The following TTN variants were observed in gnomAD, a reference collection of about 807,000 sequenced individuals.
TTN encodes titin.
A neutral mutation model predicts 3,223.0 loss-of-function variants in TTN; 1,525 were observed. The observed-to-expected ratio is 0.47, with a 90% CI of 0.45 to 0.49. The LOEUF is 0.49. TTN is among the 20% of genes least tolerant of loss of function. TTN has a pLI of 0.00. For synonymous variants in TTN, 14,094 were observed against 15,161.0 expected (o/e 0.93, Z 5.17); for missense variants, 40,786 against 43,424.0 (o/e 0.94, Z 5.40).
Position 178,785,929 on chromosome 2 carries a change from T to A in TTN, c.2289A>T (p.Ala763=). The part of the protein sequence containing the change: ...PASEPHVVPK[A]VKPRVIQAPS... ...GAGCCTGGATTACTCTAGGCTTGAC[T>A]GCTTTAGGGACAACGTGGGGTTCTG... The change falls in exon 14 of 363, where the codon GCA becomes GCT. Residue 763 remains alanine, a synonymous_variant. Transcript: ENST00000589042. 1 of 1,614,120 alleles carries A rather than the reference T, an allele frequency of 6.2e-7. No homozygotes were observed. Among genetic ancestry groups the A allele is most frequent in the Non-Finnish European group, 8.5e-7 (1 of 1,179,994 alleles).
intron 7 of TTN, 43 bp from the exon 8 acceptor site, chr2:178,794,594 TG>T (rs2093673505): frequency 6.8e-6 from 11 of 1,612,858 alleles, no homozygotes; most frequent in African/African-American, 1.3e-5. Flanking sequence ...TTAAATGACA[TG>T]CCCAGTAGAA....
Position 178,527,470 on chromosome 2 carries a change from T to C in TTN, c.107656A>G (p.Lys35886Glu). The C allele has an allele frequency of 6.2e-7, 1 of 1,613,870 alleles. No homozygotes were observed. Among genetic ancestry groups the C allele is most frequent in the Non-Finnish European group, 8.5e-7 (1 of 1,179,738 alleles). The change falls in exon 362 of 363, where the codon AAA becomes GAA. Residue 35886 changes from lysine (K) to glutamate (E), a missense_variant. Physicochemically the swap from Lys to Glu is moderately conservative, Grantham distance 56. Transcript: ENST00000589042. ...CCTCTTATGCCTGCTTTAAGCATTT[T>C]ACTAGTTGAGCTTTCCAGTTGTGTC... ...NMTQLESSTS[K>E]MLKAGIRGIP...
chr2:178,599,087 T>C (rs1314263182), intron 290 of TTN, 25 bp from the exon 291 acceptor site: 10 of 1,512,900 alleles, frequency 6.6e-6, no homozygotes, highest in Non-Finnish European at 7.0e-6. Flanking sequence ...ATATTGATTA[T>C]AAGAAATTTA....
In TTN at chr2:178,574,332, G is replaced by C. The variant is rs1465413205; in HGVS notation, c.71800C>G (p.Leu23934Val). 2 of 1,613,568 alleles carry C rather than the reference G, an allele frequency of 1.2e-6. No individual in the cohort carries two copies. Among genetic ancestry groups the C allele is most frequent in the South Asian group, 1.1e-5 (1 of 91,066 alleles). ...PIDPPGKPVPLNITRHTVTLK... is the reference protein window; with the variant it reads ...PIDPPGKPVPVNITRHTVTLK... ...GTTACTGTGTGTCTTGTAATATTTA[G>C]AGGTACTGGTTTTCCAGGTGGGTCA... The change falls in exon 326 of 363, where the codon CTA becomes GTA. Residue 23934 changes from leucine to valine, a missense_variant. Leu to Val is a conservative substitution (Grantham distance 32). Coordinates refer to ENST00000589042, the MANE Select transcript of TTN (RefSeq NM_001267550.2).
intron 152 of TTN, among the ~76,000 whole-genome samples, chr2:178,673,226 C>A (rs1250165607): frequency 6.6e-6 from 1 of 151,658 alleles, no homozygotes; most frequent in Non-Finnish European, 1.5e-5. Context: ...ACGTGAGGCT[C>A]TTTAAAATAG....
Position 178,550,204 on chromosome 2 carries a change from C to T in TTN, c.91634G>A (p.Arg30545Lys). 1 of 1,613,668 alleles carries T rather than the reference C, an allele frequency of 6.2e-7. No individual in the cohort carries two copies. Among genetic ancestry groups the T allele is most frequent in the Non-Finnish European group, 8.5e-7 (1 of 1,179,680 alleles). ...TCTTCCTTGTACCAAAGCTTTAATT[C>T]TAAGGCTCTCTCCGGACTTAATAAT... ...GLIIKSGESLRIKALVQGRPV... is the reference protein window; with the variant it reads ...GLIIKSGESLKIKALVQGRPV... Residue 30545 changes from arginine to lysine, a missense_variant, in exon 337 of 363, where the codon AGA becomes AAA. Physicochemically the swap from Arg to Lys is conservative, Grantham distance 26 (BLOSUM62 2). Transcript: ENST00000589042.
At position 178,672,561 on chromosome 2, in the gene TTN, A is replaced by G. The variant is rs563610699; in HGVS notation, c.34855+74T>C. 5.5e-5 allele frequency: 88 copies of G among 1,599,898 alleles called. No individual in the cohort carries two copies. The African/African-American group carries it at 1.1e-3, about 20-fold the overall frequency. On this transcript the variant is annotated intron_variant, in intron 153 of 362. Transcript: ENST00000589042. Reference sequence around the variant, plus strand: ...AAAAATCATCAAAAACAATCAAGACACAGAGACATGAAACATAAAAGTCTT... The same window carrying G: ...AAAAATCATCAAAAACAATCAAGACGCAGAGACATGAAACATAAAAGTCTT...
rs1312812399 is a variant in TTN, at chr2:178,527,132, G to A, written c.107856C>T (p.Asp35952=). The change falls in exon 363 of 363, where the codon GAC becomes GAT. Residue 35952 remains aspartate (D), a synonymous_variant. Transcript: ENST00000589042. The stretch of plus-strand genomic sequence containing the variant: ...CGTCCATGATGATCAGGGTTGTCAG[G>A]TCATCTGTGTTTTCAATGTGGAACC... ...QGRFHIENTD[D]LTTLIIMDVQ... The A allele has an allele frequency of 3.1e-6, 5 of 1,613,926 alleles. No individual in the cohort carries two copies. The highest frequency in any genetic ancestry group is 1.3e-5 in the African/African-American group (1 of 75,028).
At chr2:178,754,031 G>T (rs1162323578) in intron 46 of TTN, 1 of 152,126 alleles carries the variant, frequency 6.6e-6, no homozygotes, top group Non-Finnish European at 1.5e-5. Context: ...TAAAGTTAGG[G>T]AAAGGCATAA....
Position 178,702,194 on chromosome 2 carries a change from G to C in TTN, c.30485C>G (p.Thr10162Arg). Reference protein sequence around the residue: ...RLEPRGEARSTAELYLTTKEI... With the variant: ...RLEPRGEARSRAELYLTTKEI... ...TTTCGTCGTTAGGTACAGCTCTGCCGTGCTTCTTGCTTCACCTCTTGGCTC... is the reference window on the plus strand; with the variant it reads ...TTTCGTCGTTAGGTACAGCTCTGCCCTGCTTCTTGCTTCACCTCTTGGCTC... The change falls in exon 108 of 363, where the codon ACG becomes AGG. Residue 10162 changes from threonine (T) to arginine (R), a missense_variant. By Grantham distance (71) the Thr-to-Arg change is moderately conservative. Coordinates refer to ENST00000589042, the MANE Select transcript of TTN (RefSeq NM_001267550.2). 1 of 1,613,928 alleles carries C rather than the reference G, an allele frequency of 6.2e-7. No individual in the cohort carries two copies. The highest frequency in any genetic ancestry group is 1.1e-5 in the South Asian group (1 of 91,082).
Position 178,594,439 on chromosome 2 carries a change from CCTT to C in TTN, c.58052_58054del (p.Glu19351del), listed in dbSNP as rs397517634. The C allele has an allele frequency of 8.1e-6, 13 of 1,613,070 alleles. No individual in the cohort carries two copies. The East Asian group carries it at 2.5e-4, about 30-fold the overall frequency. The stretch of plus-strand genomic sequence containing the variant: ...ACTGACACGGTACTCATAGGTATCA[CCTT>C]CTTTTAAGCCTTTAACAGTGTATTT... On this transcript the variant is annotated inframe_deletion, in exon 296 of 363. Coordinates refer to ENST00000589042, the MANE Select transcript of TTN (RefSeq NM_001267550.2).
At position 178,621,959 on chromosome 2, in the gene TTN, T is replaced by A. The variant is rs1478836616; in HGVS notation, c.44963A>T (p.Asp14988Val). Residue 14988 changes from aspartate (D) to valine (V), a missense_variant, in exon 244 of 363, where the codon GAC becomes GTC. By Grantham distance (152) the Asp-to-Val change is radical (BLOSUM62 -3). Transcript: ENST00000589042. ...GCGCACTGCTCCCTTGGATATGATG[T>A]CATATTTTTTGCCCTTTTTAATTTC... is the stretch of plus-strand genomic sequence containing the variant. ...GAEIKKGKKY[D>V]IISKGAVRIL... 2.0e-5 allele frequency: 32 copies of A among 1,611,180 alleles called. No individual in the cohort carries two copies. Among genetic ancestry groups the A allele is most frequent in the Non-Finnish European group, 2.6e-5 (31 of 1,178,602 alleles).
At position 178,618,331 on chromosome 2, in the gene TTN, G is replaced by A; in HGVS notation, c.47127C>T (p.Asp15709=). 2 of 1,612,572 alleles carry A rather than the reference G, an allele frequency of 1.2e-6. No individual in the cohort carries two copies. The highest frequency in any genetic ancestry group is 3.3e-4 in the Middle Eastern group (2 of 6,050). The change falls in exon 252 of 363, where the codon GAC becomes GAT. Residue 15709 remains aspartate, a synonymous_variant. Coordinates refer to ENST00000589042, the MANE Select transcript of TTN (RefSeq NM_001267550.2). The part of the protein sequence containing the change: ...IKRKTWVLAT[D]RAESCEFTVT... Reference sequence around the variant, plus strand: ...CAGTAAACTCACAACTCTCTGCACGGTCTGTGGCCAGAACCCAGGTCTTTC... The same window carrying A: ...CAGTAAACTCACAACTCTCTGCACGATCTGTGGCCAGAACCCAGGTCTTTC...
intron 157 of TTN, among the ~76,000 whole-genome samples, 198 bp from the exon 158 acceptor site, chr2:178,669,873 T>A (rs1474599233): frequency 2.0e-5 from 3 of 152,098 alleles, no homozygotes; most frequent in Admixed American, 2.0e-4. Flanking sequence ...AGAAACACTT[T>A]GCTCTTTGGA....
chr2:178,740,581 T>C lies in TTN; in HGVS notation c.12652A>G (p.Ile4218Val), dbSNP rs763277411. 7.4e-6 allele frequency: 12 copies of C among 1,613,894 alleles called. No homozygotes were observed. Among genetic ancestry groups the C allele is most frequent in the South Asian group, 2.2e-5 (2 of 91,086 alleles). The change falls in exon 48 of 363, where the codon ATA becomes GTA. Residue 4218 changes from isoleucine (I) to valine (V), a missense_variant. Ile to Val is a conservative substitution (Grantham distance 29, BLOSUM62 3). Transcript: ENST00000589042. ...EPEGNYPQSS[I>V]EPPMHSYLTS... Reference sequence around the variant, plus strand: ...AGATAAGAATGCATTGGAGGTTCTATTGAAGACTGTGGATAATTCCCTTCA... The same window carrying C: ...AGATAAGAATGCATTGGAGGTTCTACTGAAGACTGTGGATAATTCCCTTCA...
At chr2:178,689,651 TTA>T in intron 122 of TTN, 56 bp from the exon 123 acceptor site, 2 of 1,518,460 alleles carry the variant, frequency 1.3e-6, no homozygotes, top group South Asian at 2.5e-5. Flanking sequence ...CTATGCACAG[TTA>T]TTTTTTTTAA....
chr2:178,616,987 A>G lies in TTN; in HGVS notation c.47902T>C (p.Phe15968Leu), dbSNP rs1261511850. ...ACAATAACTTCCAGACCATCTTTAA[A>G]TGCACTTAAATCCATTGTTGGTTCA... ...FVEPTMDLSA[F>L]KDGLEVIVPN... Residue 15968 changes from phenylalanine to leucine, a missense_variant, in exon 256 of 363, where the codon TTT (phenylalanine) becomes CTT (leucine). Coordinates refer to ENST00000589042, the MANE Select transcript of TTN (RefSeq NM_001267550.2). The G allele has an allele frequency of 6.2e-7, 1 of 1,612,628 alleles. No homozygotes were observed.
intron 43 of TTN, among the ~76,000 whole-genome samples, chr2:178,763,244 C>T (rs2089669215): frequency 6.6e-6 from 1 of 152,138 alleles, no homozygotes; most frequent in Admixed American, 6.5e-5. Context: ...AGATCAGATT[C>T]CTGGGATGAG....
At position 178,770,513 on chromosome 2, in the gene TTN, G is replaced by A; in HGVS notation, c.8279C>T (p.Thr2760Ile). 1.2e-6 allele frequency: 2 copies of A among 1,614,112 alleles called. No individual in the cohort carries two copies. The highest frequency in any genetic ancestry group is 1.3e-5 in the African/African-American group (1 of 75,038). ...GTTTTTAATCCTCAGAGAGTAAATT[G>A]TTCCTTTGACAGAGATAGCATACTT... Reference protein sequence around the residue: ...NEKYAISVKGTIYSLRIKNCA... With the variant: ...NEKYAISVKGIIYSLRIKNCA... The change falls in exon 35 of 363, where the codon ACA (threonine) becomes ATA (isoleucine). Residue 2760 changes from threonine (T) to isoleucine (I), a missense_variant. By Grantham distance (89) the Thr-to-Ile change is moderately conservative. Coordinates refer to ENST00000589042, the MANE Select transcript of TTN (RefSeq NM_001267550.2).
Sources: gnomAD v4.1 joint callset for allele counts (sites outside exome capture counted in the v4.1 genomes callset) on GRCh38, gnomAD v4.1.1 for gene constraint, MANE v1.5 for transcripts, NCBI Gene and HGNC (gene_info 2026-07-23, HGNC 2026-07-21) for gene names.